The following RANBP2 variants were observed in gnomAD, a reference collection of about 807,000 sequenced individuals.
RANBP2 encodes E3 SUMO-protein ligase RanBP2.
RANBP2 carries 57 observed loss-of-function variants against 303.6 expected under a neutral mutation model. The observed-to-expected ratio is 0.19, with a 90% CI of 0.15 to 0.23. The LOEUF is 0.23. Ranked by LOEUF, RANBP2 falls within the 10% of genes least tolerant of loss-of-function variation. RANBP2 has a pLI of 1.00. For missense variants in RANBP2, 3,138 were observed against 3,780.8 expected, an observed-to-expected ratio of 0.83 and a Z score of 4.46; for synonymous variants, 1,167 against 1,301.5, an observed-to-expected ratio of 0.90 and a Z score of 2.23.
the RANBP2 span, among the ~76,000 whole-genome samples, chr2:109,725,646 C>T: frequency 1.3e-5 from 2 of 152,168 alleles, no homozygotes; most frequent in African/African-American, 2.4e-5. Flanking sequence ...GTCACTGTTA[C>T]GGTGCCAGAA....
At chr2:109,105,158 C>G in the RANBP2 span, among the ~76,000 whole-genome samples, 1 of 152,208 alleles carries the variant, frequency 6.6e-6, no homozygotes, top group Non-Finnish European at 1.5e-5. Context: ...ACACCTGAAG[C>G]TGTGATCAAG....
the RANBP2 span, among the ~76,000 whole-genome samples, chr2:109,765,832 C>T: frequency 1.1e-4 from 17 of 150,840 alleles, no homozygotes; most frequent in Non-Finnish European, 1.9e-4. Flanking sequence ...AGGGGACATG[C>T]GCAGGCCAGT....
chr2:109,047,503 A>G, the RANBP2 span, among the ~76,000 whole-genome samples: 1 of 152,122 alleles, frequency 6.6e-6, no homozygotes, highest in African/African-American at 2.4e-5. Flanking sequence ...AGAAAAACAA[A>G]CAAACAAACA....
rs1695638745 is a variant in RANBP2 at position 108,736,996 on chromosome 2, C to T, written c.782+747C>T. Among the ~76,000 whole-genome samples the T allele has an allele frequency of 2.2e-5, 3 of 139,532 alleles. No individual in the cohort carries two copies. The South Asian group carries it at 7.2e-4, about 34-fold the overall frequency. 91.5% of individuals were successfully genotyped at this position (139,532 alleles called of 152,430 possible). A position where few individuals can be genotyped will look rare whatever the true frequency, so the allele number is the denominator to read the frequency against. The stretch of plus-strand genomic sequence containing the variant: ...ATGCCTGTAAAGCCAGATTAGTATT[C>T]TCCTCCTTTTTGTAGAAAAAGTTTA... On this transcript the variant is annotated intron_variant, in intron 6 of 28. Transcript: ENST00000283195.
chr2:109,704,067 A>G, the RANBP2 span, among the ~76,000 whole-genome samples: 1 of 152,184 alleles, frequency 6.6e-6, no homozygotes, highest in African/African-American at 2.4e-5. Context: ...CTCTCTGCCC[A>G]GAGTTTTATT....
chr2:109,490,631 G>A, the RANBP2 span: 2 of 1,473,492 alleles, frequency 1.4e-6, no homozygotes, highest in African/African-American at 1.4e-5. Context: ...GGCTCCTGAA[G>A]CTTCTAGCCG....
chr2:109,023,984 G>A, the RANBP2 span, among the ~76,000 whole-genome samples: 3 of 152,130 alleles, frequency 2.0e-5, no homozygotes, highest in African/African-American at 7.2e-5. Flanking sequence ...GGAGTGCAAT[G>A]GCATGATCTC....
chr2:109,212,049 C>T, the RANBP2 span, among the ~76,000 whole-genome samples: 6 of 152,260 alleles, frequency 3.9e-5, no homozygotes, highest in Admixed American at 1.3e-4. Flanking sequence ...GTGGGCTTTG[C>T]GGAATTCCAG....
the RANBP2 span, among the ~76,000 whole-genome samples, chr2:109,263,750 A>C: frequency 6.6e-6 from 1 of 152,306 alleles, no homozygotes; most frequent in East Asian, 1.9e-4. Flanking sequence ...GCAGATCATG[A>C]GGTCAGGAGA....
chr2:108,897,267 C>G, the RANBP2 span: 2 of 1,570,836 alleles, frequency 1.3e-6, no homozygotes, highest in Non-Finnish European at 1.8e-6. Flanking sequence ...TGTTGCAAGT[C>G]ACAGTCAATA....
At chr2:108,755,735 T>C (rs1345214731) in intron 17 of RANBP2, among the ~76,000 whole-genome samples, 1 of 151,930 alleles carries the variant, frequency 6.6e-6, no homozygotes, top group African/African-American at 2.4e-5. Flanking sequence ...TTGTTTTGTT[T>C]TGTTTTGAGA....
chr2:109,618,658 A>G, the RANBP2 span: 2 of 166,894 alleles, frequency 1.2e-5, no homozygotes, highest in Non-Finnish European at 1.5e-5. Context: ...ATATAATTTG[A>G]TATTCATAGA....
the RANBP2 span, among the ~76,000 whole-genome samples, chr2:109,447,066 T>C: frequency 2.7e-5 from 4 of 150,038 alleles, no homozygotes; most frequent in Non-Finnish European, 5.9e-5. Context: ...TTGCCTGACC[T>C]GCTCTCCTTG....
At chr2:109,493,164 A>G in the RANBP2 span, among the ~76,000 whole-genome samples, 1 of 151,050 alleles carries the variant, frequency 6.6e-6, no homozygotes, top group Non-Finnish European at 1.5e-5. Context: ...CACATACACC[A>G]CACATACGCC....
the RANBP2 span, among the ~76,000 whole-genome samples, chr2:109,062,645 T>C: frequency 6.6e-6 from 1 of 152,048 alleles, no homozygotes; most frequent in Non-Finnish European, 1.5e-5. Context: ...GCCCAAAGCT[T>C]GGAGAAGGCA....
At chr2:109,354,465 T>C in the RANBP2 span, among the ~76,000 whole-genome samples, 1 of 152,382 alleles carries the variant, frequency 6.6e-6, no homozygotes, top group East Asian at 1.9e-4. Context: ...CAGGGACTGC[T>C]TCTGGCATTT....
the RANBP2 span, chr2:108,876,040 AACTC>A: frequency 8.0e-7 from 1 of 1,248,600 alleles, no homozygotes; most frequent in African/African-American, 1.5e-5. Flanking sequence ...ATTGCAGATA[AACTC>A]TCTAAGTATG....
At chr2:108,936,088 C>T in the RANBP2 span, among the ~76,000 whole-genome samples, 2 of 152,230 alleles carry the variant, frequency 1.3e-5, no homozygotes, top group African/African-American at 4.8e-5. Flanking sequence ...GATGGTCCAG[C>T]CTCCGGGACT....
chr2:109,612,780 T>C, the RANBP2 span, among the ~76,000 whole-genome samples: 3 of 152,230 alleles, frequency 2.0e-5, no homozygotes, highest in South Asian at 4.1e-4. Context: ...TTGAGATTTT[T>C]AAAAAATACG....
Sources: allele counts gnomAD v4.1 joint callset (sites outside exome capture counted in the v4.1 genomes callset), GRCh38; gene constraint gnomAD v4.1.1; transcripts MANE v1.5; gene names NCBI Gene and HGNC (gene_info 2026-07-23, HGNC 2026-07-21).